The following R3HDM2 variants were observed in gnomAD, a reference collection of about 807,000 sequenced individuals.
The protein encoded by R3HDM2 is R3H domain containing 2.
Under a neutral mutation model 124.5 loss-of-function variants are expected in R3HDM2, and 38 were observed. The ratio of observed to expected loss-of-function variants is 0.31; its 90% CI spans 0.24 to 0.40. R3HDM2 has a LOEUF of 0.40. Ranked by LOEUF, R3HDM2 falls within the 10% of genes least tolerant of loss-of-function variation. The probability of loss-of-function intolerance (pLI) is 1.00; values close to 1 mark genes in which losing one functional copy is unlikely to be tolerated. For synonymous variants in R3HDM2, 391 were observed against 448.0 expected, an observed-to-expected ratio of 0.87 and a Z score of 1.61; for missense variants, 869 against 1,236.9, an observed-to-expected ratio of 0.70 and a Z score of 4.46.
intron 1 of R3HDM2, among the ~76,000 whole-genome samples, chr12:57,406,773 G>A (rs1378211649): frequency 6.6e-6 from 1 of 152,122 alleles, no homozygotes; most frequent in East Asian, 1.9e-4. Flanking sequence ...TATTGAATCT[G>A]AACCTGATCA....
intron 2 of R3HDM2, among the ~76,000 whole-genome samples, chr12:57,376,169 C>T (rs1271948672): frequency 6.6e-6 from 1 of 152,222 alleles, no homozygotes; most frequent in Non-Finnish European, 1.5e-5. Context: ...CTGACTTGCC[C>T]ATGCCCTCAG....
intron 1 of R3HDM2, among the ~76,000 whole-genome samples, chr12:57,411,507 T>C (rs2069000657): frequency 6.6e-6 from 1 of 152,234 alleles, no homozygotes; most frequent in African/African-American, 2.4e-5. Flanking sequence ...TAACACATCA[T>C]CACCTTCTGT....
At position 57,374,054 on chromosome 12, in the gene R3HDM2, G is replaced by A. The variant is rs573978309; in HGVS notation, c.-36+21695C>T. Among the ~76,000 whole-genome samples the A allele has an allele frequency of 1.9e-4, 29 of 151,940 alleles. 2 individuals are homozygous for A. The South Asian group carries it at 6.1e-3, about 32-fold the overall frequency. ...AAGGTAGGAGAATTGCTTGAACCCA[G>A]GAGACAGAGGTTGCAGTGAGATGAG... On this transcript the variant is annotated intron_variant, in intron 2 of 23. Coordinates refer to ENST00000402412, the MANE Select transcript of R3HDM2 (RefSeq NM_001394031.1).
At chr12:57,304,908 G>A (rs1197195395) in intron 3 of R3HDM2, among the ~76,000 whole-genome samples, 1 of 152,154 alleles carries the variant, frequency 6.6e-6, no homozygotes, top group Non-Finnish European at 1.5e-5. Flanking sequence ...ATATTGGCTG[G>A]GGGCGGTGGC....
chr12:57,312,603 G>A (rs2054145353), intron 2 of R3HDM2, among the ~76,000 whole-genome samples: 1 of 152,080 alleles, frequency 6.6e-6, no homozygotes, highest in East Asian at 1.9e-4. Flanking sequence ...AGGCACAGTG[G>A]CTCATACCTG....
intron 2 of R3HDM2, among the ~76,000 whole-genome samples, chr12:57,349,654 G>A (rs1299944251): frequency 6.7e-6 from 1 of 150,252 alleles, no homozygotes; most frequent in South Asian, 2.1e-4. Flanking sequence ...TCCGCCTCCC[G>A]GGTTCAAGCC....
intron 1 of R3HDM2, among the ~76,000 whole-genome samples, chr12:57,397,413 A>C (rs2067658996): frequency 6.6e-6 from 1 of 152,180 alleles, no homozygotes; most frequent in South Asian, 2.1e-4. Context: ...GAATATCCCT[A>C]ACTCACCATT....
chr12:57,383,362 T>A (rs1432143267), intron 2 of R3HDM2, among the ~76,000 whole-genome samples: 2 of 152,116 alleles, frequency 1.3e-5, no homozygotes, highest in East Asian at 1.9e-4. Context: ...TATTAAGTCT[T>A]CTTTAATACA....
At chr12:57,413,059 A>G (rs557103321) in intron 1 of R3HDM2, among the ~76,000 whole-genome samples, 1 of 152,214 alleles carries the variant, frequency 6.6e-6, no homozygotes, top group African/African-American at 2.4e-5. Context: ...AGGCTGAGGC[A>G]GGAGAATTGC....
chr12:57,354,243 T>C (rs2137329596), intron 2 of R3HDM2, among the ~76,000 whole-genome samples: 1 of 152,126 alleles, frequency 6.6e-6, no homozygotes, highest in East Asian at 1.9e-4. Flanking sequence ...TTCTAACTGC[T>C]CCACAGTCTC....
At position 57,418,186 on chromosome 12, in the gene R3HDM2, CTGAGCGT is replaced by C. The variant is rs1045757466; in HGVS notation, c.-106+12527_-106+12533del. The C allele has an allele frequency of 5.1e-6, 5 of 985,288 alleles. No homozygotes were observed. In the African/African-American group the frequency reaches 8.7e-5, roughly 17 times the overall value. 61.0% of individuals were successfully genotyped at this position (985,288 alleles called of 1,614,324 possible). On this transcript the variant is annotated intron_variant, in intron 1 of 23. Transcript: ENST00000402412. Reference sequence around the variant, plus strand: ...CACCCAGTTTGCCCAAGACACAAACCTGAGCGTCATCCATCCACAATTCCTCCCCTCT... The same window carrying C: ...CACCCAGTTTGCCCAAGACACAAACCCATCCATCCACAATTCCTCCCCTCT...
At position 57,395,036 on chromosome 12, in the gene R3HDM2, G is replaced by A. The variant is rs1289727363; in HGVS notation, c.-36+713C>T. On this transcript the variant is annotated intron_variant, in intron 2 of 23. Coordinates refer to ENST00000402412, the MANE Select transcript of R3HDM2 (RefSeq NM_001394031.1). ...CAGCCTGGCCAACATGGTGAAACCCGTCTCTACTAAAAATACAAAAAAAAT... is the reference window on the plus strand; with the variant it reads ...CAGCCTGGCCAACATGGTGAAACCCATCTCTACTAAAAATACAAAAAAAAT... Among the ~76,000 whole-genome samples, 12 of 149,466 alleles carry A rather than the reference G, an allele frequency of 8.0e-5. No homozygotes were observed. The East Asian group carries it at 2.2e-3, about 28-fold the overall frequency.
intron 1 of R3HDM2, among the ~76,000 whole-genome samples, chr12:57,428,290 G>GT (rs960746975): frequency 6.6e-6 from 1 of 152,054 alleles, no homozygotes; most frequent in African/African-American, 2.4e-5. Context: ...CCAGAGGCCA[G>GT]TGTGCATGTT....
At chr12:57,320,261 CAAAAAAAAAA>C (rs56207989) in intron 2 of R3HDM2, among the ~76,000 whole-genome samples, 20 of 14,286 alleles carry the variant, frequency 1.4e-3, no homozygotes, top group East Asian at 7.4e-3. Flanking sequence ...AACTCTATCT[CAAAAAAAAAA>C]AAAAAAAAAA....
At chr12:57,317,729 C>T (rs1325431917) in intron 2 of R3HDM2, among the ~76,000 whole-genome samples, 4 of 150,712 alleles carry the variant, frequency 2.7e-5, no homozygotes, top group African/African-American at 7.3e-5. Context: ...GGGTGGCTCG[C>T]GCCTGTAAAG....
intron 1 of R3HDM2, among the ~76,000 whole-genome samples, chr12:57,425,658 G>A (rs747052664): frequency 6.6e-6 from 1 of 152,074 alleles, no homozygotes; most frequent in Non-Finnish European, 1.5e-5. Flanking sequence ...AATTAGCCGG[G>A]CATGATGGCG....
At chr12:57,404,388 G>A (rs2139102923) in intron 1 of R3HDM2, among the ~76,000 whole-genome samples, 1 of 149,552 alleles carries the variant, frequency 6.7e-6, no homozygotes, top group East Asian at 2.1e-4. Context: ...TTTAACTATA[G>A]GTTCAGCGCT....
intron 1 of R3HDM2, among the ~76,000 whole-genome samples, chr12:57,414,698 T>C (rs2069391906): frequency 1.3e-5 from 2 of 151,474 alleles, no homozygotes; most frequent in Admixed American, 1.3e-4. Flanking sequence ...TAGCTGGGCA[T>C]GGCAAGTGCC....
intron 2 of R3HDM2, among the ~76,000 whole-genome samples, chr12:57,349,417 A>G (rs2060452696): frequency 6.7e-6 from 1 of 149,806 alleles, no homozygotes; most frequent in African/African-American, 2.4e-5. Flanking sequence ...AGAAAAGAAA[A>G]TCAAGAAAAT....
Sources: allele counts gnomAD v4.1 joint callset (sites outside exome capture counted in the v4.1 genomes callset), GRCh38; gene constraint gnomAD v4.1.1; transcripts MANE v1.5; gene names NCBI Gene and HGNC (gene_info 2026-07-23, HGNC 2026-07-21).